The following CSMD1 variants were observed in gnomAD, a reference collection of about 807,000 sequenced individuals.
The protein encoded by CSMD1 is CUB and Sushi multiple domains 1, also known as CUB and sushi domain-containing protein 1.
In CSMD1, 213 loss-of-function variants were observed where a neutral mutation model predicts 417.5. The observed-to-expected ratio is 0.51, with a 90% CI of 0.46 to 0.57. The LOEUF (loss-of-function observed/expected upper bound fraction) is 0.57, where lower values mean the gene tolerates loss of function less well. CSMD1 is among the 20% of genes least tolerant of loss of function. The pLI is 0.00. For missense variants in CSMD1, 6,923 were observed against 4,529.7 expected, an observed-to-expected ratio of 1.53 and a Z score of -15.17; for synonymous variants, 2,862 against 1,736.8, an observed-to-expected ratio of 1.65 and a Z score of -16.11.
At chr8:3,296,457 G>A (rs1489942386) in intron 25 of CSMD1, among the ~76,000 whole-genome samples, 3 of 152,098 alleles carry the variant, frequency 2.0e-5, no homozygotes, top group African/African-American at 7.2e-5. Flanking sequence ...TTTGTAGGCT[G>A]TTTTAAGGAT....
intron 3 of CSMD1, among the ~76,000 whole-genome samples, chr8:4,067,687 T>A (rs937227778): frequency 6.6e-6 from 1 of 152,200 alleles, no homozygotes; most frequent in African/African-American, 2.4e-5. Flanking sequence ...ACTTGTCCTG[T>A]GGAATATTAA....
intron 12 of CSMD1, among the ~76,000 whole-genome samples, chr8:3,447,911 A>G (rs1360127034): frequency 2.0e-5 from 3 of 152,210 alleles, no homozygotes; most frequent in East Asian, 3.9e-4. Flanking sequence ...ACCCCAGAGG[A>G]GCTGGAAGCT....
chr8:3,060,787 G>C (rs115657424), intron 49 of CSMD1, among the ~76,000 whole-genome samples: 1,763 of 152,268 alleles, frequency 0.012, 39 homozygotes, highest in African/African-American at 0.04. Flanking sequence ...GGTCATGAGA[G>C]CTCTTTCTTT....
At chr8:4,822,295 T>A (rs1313631489) in intron 1 of CSMD1, among the ~76,000 whole-genome samples, 1 of 152,170 alleles carries the variant, frequency 6.6e-6, no homozygotes, top group African/African-American at 2.4e-5. Flanking sequence ...GGACACCAGA[T>A]ACCACTGAAG....
At chr8:4,531,828 T>A (rs994842097) in intron 2 of CSMD1, among the ~76,000 whole-genome samples, 6 of 152,202 alleles carry the variant, frequency 3.9e-5, no homozygotes, top group African/African-American at 1.4e-4. Context: ...TTCAGAAACT[T>A]TTATCACTTT....
chr8:4,757,186 T>C (rs559201869), intron 1 of CSMD1, among the ~76,000 whole-genome samples: 2 of 152,346 alleles, frequency 1.3e-5, no homozygotes, highest in South Asian at 4.1e-4. Context: ...TGGATTTACT[T>C]TATCAATATT....
At chr8:4,807,895 T>C (rs562592872) in intron 1 of CSMD1, among the ~76,000 whole-genome samples, 2 of 152,282 alleles carry the variant, frequency 1.3e-5, no homozygotes, top group East Asian at 1.9e-4. Context: ...AAGGTCTCCA[T>C]GAGGGAAGTA....
At chr8:3,426,958 G>A (rs1813883454) in intron 12 of CSMD1, among the ~76,000 whole-genome samples, 1 of 152,146 alleles carries the variant, frequency 6.6e-6, no homozygotes, top group Non-Finnish European at 1.5e-5. Flanking sequence ...AAGGTAAAGG[G>A]GAAGCAAAGT....
At chr8:4,479,364 G>A (rs968233462) in intron 2 of CSMD1, among the ~76,000 whole-genome samples, 4 of 152,002 alleles carry the variant, frequency 2.6e-5, no homozygotes, top group South Asian at 2.1e-4. Flanking sequence ...ACATATGTCC[G>A]GTTACAAAAT....
At chr8:4,656,838 C>T (rs1477284924) in intron 1 of CSMD1, among the ~76,000 whole-genome samples, 2 of 152,116 alleles carry the variant, frequency 1.3e-5, no homozygotes, top group East Asian at 1.9e-4. Flanking sequence ...AGAGAAACCA[C>T]ATTTACTAAT....
chr8:3,706,629 C>A (rs1345381346), intron 7 of CSMD1, among the ~76,000 whole-genome samples: 1 of 152,192 alleles, frequency 6.6e-6, no homozygotes, highest in South Asian at 2.1e-4. Context: ...CTGCCTCAAT[C>A]TTACAGTAGC....
In CSMD1 at chr8:3,241,020, G is replaced by C. The variant is rs186418727; in HGVS notation, c.4154-10789C>G. On this transcript the variant is annotated intron_variant, in intron 26 of 69. Coordinates refer to ENST00000635120, the MANE Select transcript of CSMD1 (RefSeq NM_033225.6). Reference sequence around the variant, plus strand: ...ATGAGATGATAAGGGGTGCATGATCGGTCACCAAGGAGGGAGTAGAGGTAT... The same window carrying C: ...ATGAGATGATAAGGGGTGCATGATCCGTCACCAAGGAGGGAGTAGAGGTAT... Among the ~76,000 whole-genome samples the C allele has an allele frequency of 4.0e-5, 6 of 149,526 alleles. 1 individual carries two copies. The highest frequency in any genetic ancestry group is 1.5e-4 in the African/African-American group (6 of 40,770).
intron 2 of CSMD1, among the ~76,000 whole-genome samples, chr8:4,529,664 C>G (rs1010546773): frequency 2.6e-5 from 4 of 151,998 alleles, no homozygotes; most frequent in Admixed American, 2.6e-4. Flanking sequence ...TCCATATTAA[C>G]AGCAAATTAG....
intron 2 of CSMD1, among the ~76,000 whole-genome samples, chr8:4,444,402 C>T (rs1373753559): frequency 1.5e-5 from 2 of 135,796 alleles, no homozygotes; most frequent in Non-Finnish European, 3.1e-5. Context: ...GTAGGTCATG[C>T]TGAATGTGGT....
chr8:3,498,342 A>T (rs534777616), intron 10 of CSMD1, among the ~76,000 whole-genome samples: 1 of 152,258 alleles, frequency 6.6e-6, no homozygotes, highest in Non-Finnish European at 1.5e-5. Flanking sequence ...TTAACGATCA[A>T]ATCAGGAGAA....
chr8:4,839,027 T>C (rs1421879044), intron 1 of CSMD1, among the ~76,000 whole-genome samples: 1 of 152,222 alleles, frequency 6.6e-6, no homozygotes, highest in Non-Finnish European at 1.5e-5. Context: ...GTTTTGCCAG[T>C]ATAACTTTTT....
At chr8:3,531,268 T>C (rs187297703) in intron 10 of CSMD1, among the ~76,000 whole-genome samples, 4 of 152,304 alleles carry the variant, frequency 2.6e-5, no homozygotes, top group Admixed American at 2.6e-4. Flanking sequence ...TTATTCACCA[T>C]GGATATTAAT....
At chr8:4,213,590 A>G (rs1022341432) in intron 3 of CSMD1, among the ~76,000 whole-genome samples, 1 of 152,262 alleles carries the variant, frequency 6.6e-6, no homozygotes, top group Admixed American at 6.5e-5. Context: ...AACGTGAAAG[A>G]AAAATCAAAT....
At chr8:3,848,607 C>G (rs1025607955) in intron 5 of CSMD1, among the ~76,000 whole-genome samples, 2 of 152,106 alleles carry the variant, frequency 1.3e-5, no homozygotes, top group African/African-American at 4.8e-5. Context: ...CTCAATTTCC[C>G]TCACTGTTCT....
Sources: allele counts gnomAD v4.1 joint callset (sites outside exome capture counted in the v4.1 genomes callset), GRCh38; gene constraint gnomAD v4.1.1; transcripts MANE v1.5; gene names NCBI Gene and HGNC (gene_info 2026-07-23, HGNC 2026-07-21).